Variants in ADGRG5 observed in about 807,000 individuals in gnomAD.
The protein encoded by ADGRG5 is G protein-coupled receptor 114.
Under a neutral mutation model 53.2 loss-of-function variants are expected in ADGRG5, and 37 were observed. That is an observed-to-expected ratio of 0.70 (90% CI 0.53 to 0.91). ADGRG5 has a LOEUF of 0.91. ADGRG5 is among the 40% of genes least tolerant of loss of function. The pLI, the probability that ADGRG5 is intolerant of heterozygous loss-of-function variation, is 0.00. For missense variants in ADGRG5, 614 were observed against 675.8 expected (o/e 0.91, Z 1.01); for synonymous variants, 277 against 290.4 (o/e 0.95, Z 0.47).
chr16:57,563,353 A>C, intron 4 of ADGRG5, 106 bp downstream of exon 4: 1 of 960,502 alleles, frequency 1.0e-6, no homozygotes, highest in East Asian at 2.5e-5. Flanking sequence ...TCCTCCCCAC[A>C]CCCCACAGTC....
chr16:57,535,587 G>A, the ADGRG5 span, among the ~76,000 whole-genome samples: 35 of 152,098 alleles, frequency 2.3e-4, no homozygotes, highest in Non-Finnish European at 4.0e-4. Context: ...GATACGCACA[G>A]CTGGAATGGT....
At position 57,568,724 on chromosome 16, in the gene ADGRG5, TCATCACCTCTTCCACCTC is replaced by T. The variant is rs202214224; in HGVS notation, c.1090+610_1090+627del. 7.2e-4 allele frequency among the ~76,000 whole-genome samples: 103 copies of T among 142,114 alleles called. No individual in the cohort carries two copies. In the East Asian group the frequency reaches 0.02, roughly 28 times the overall value. The allele number at this position is 142,114 out of a possible 152,430, so 93.2% of individuals were successfully genotyped here. A position where few individuals can be genotyped will look rare whatever the true frequency, so the allele number is the denominator to read the frequency against. On this transcript the variant is annotated intron_variant, in intron 9 of 11. Coordinates refer to ENST00000349457, the MANE Select transcript of ADGRG5 (RefSeq NM_001304376.3). The stretch of plus-strand genomic sequence containing the variant: ...TCCATCATCACCTCCTCAACCTCCA[TCATCACCTCTTCCACCTC>T]CATCACCTCCATCACCACCACCTCC...
intron 1 of ADGRG5, among the ~76,000 whole-genome samples, chr16:57,556,742 G>A (rs2146780137): frequency 6.6e-6 from 1 of 152,026 alleles, no homozygotes; most frequent in African/African-American, 2.4e-5. Context: ...ACACATTTTT[G>A]CCAGTTTCAA....
At chr16:57,561,292 T>A (rs2032994513) in intron 1 of ADGRG5, among the ~76,000 whole-genome samples, 1 of 152,210 alleles carries the variant, frequency 6.6e-6, no homozygotes. Context: ...TTAGCTGACA[T>A]CTCCCATCTC....
intron 11 of ADGRG5, 135 bp downstream of exon 11, chr16:57,575,227 G>A (rs56283096): frequency 0.012 from 12,428 of 1,057,086 alleles, 99 homozygotes; most frequent in Non-Finnish European, 0.015. Context: ...CACTAGCTAA[G>A]CTGGTGGGGG....
At chr16:57,567,332 C>T (rs1481870162) in intron 7 of ADGRG5, 138 bp from the exon 8 acceptor site, 1 of 872,086 alleles carries the variant, frequency 1.1e-6, no homozygotes, top group African/African-American at 1.7e-5. Flanking sequence ...TCTGCCATGG[C>T]CTTGTTCAAG....
At chr16:57,545,597 C>G (rs916892731) in intron 1 of ADGRG5, among the ~76,000 whole-genome samples, 1 of 152,188 alleles carries the variant, frequency 6.6e-6, no homozygotes, top group Non-Finnish European at 1.5e-5. Context: ...ACTCTACAAA[C>G]TATTCTGCAT....
At position 57,562,374 on chromosome 16, in the gene ADGRG5, G is replaced by A. The variant is rs771009560; in HGVS notation, c.65-10G>A. On this transcript the variant is annotated splice_polypyrimidine_tract_variant and intron_variant, in intron 2 of 11. Transcript: ENST00000349457. ...GAGACACAAACTGAGGGGGAGGTGTGTCCCCACAGAGACATGGGAAGAACT... is the reference window on the plus strand; with the variant it reads ...GAGACACAAACTGAGGGGGAGGTGTATCCCCACAGAGACATGGGAAGAACT... 13 of 1,601,556 alleles carry A rather than the reference G, an allele frequency of 8.1e-6. No individual in the cohort carries two copies. In the African/African-American group the frequency reaches 1.7e-4, roughly 21 times the overall value.
chr16:57,571,591 A>T (rs2033359282), intron 10 of ADGRG5, among the ~76,000 whole-genome samples: 1 of 152,174 alleles, frequency 6.6e-6, no homozygotes, highest in Non-Finnish European at 1.5e-5. Context: ...CCCAACCTAC[A>T]GATGAGGAAA....
chr16:57,567,600 C>T lies in ADGRG5; in HGVS notation c.821+9C>T, dbSNP rs1226310717. 6 of 1,608,928 alleles carry T rather than the reference C, an allele frequency of 3.7e-6. No individual in the cohort carries two copies. The South Asian group carries it at 6.6e-5, about 18-fold the overall frequency. ...CTGCACTTCCATTTCAGGTATTCCGCTGCCACAGTGCTGGGCCTGCCCTGC... is the reference window on the plus strand; with the variant it reads ...CTGCACTTCCATTTCAGGTATTCCGTTGCCACAGTGCTGGGCCTGCCCTGC... On this transcript the variant is annotated intron_variant, in intron 8 of 11. Transcript: ENST00000349457.
At position 57,576,160 on chromosome 16, in the gene ADGRG5, T is replaced by C. The variant is rs143554501; in HGVS notation, c.*622T>C. 6.5e-6 allele frequency: 1 copy of C among 152,860 alleles called. No individual in the cohort carries two copies. Among genetic ancestry groups the C allele is most frequent in the Non-Finnish European group, 1.5e-5 (1 of 68,496 alleles). 9.5% of individuals were successfully genotyped at this position (152,860 alleles called of 1,614,324 possible). A position where few individuals can be genotyped will look rare whatever the true frequency, so the allele number is the denominator to read the frequency against. On this transcript the variant is annotated 3_prime_UTR_variant, in exon 12 of 12. Transcript: ENST00000349457. The stretch of plus-strand genomic sequence containing the variant: ...GTGGGACCTACCCAGGCTCTGAGAC[T>C]TTACTGGCCTATGCCTGAGGCCTCT...
At chr16:57,539,587 G>A (rs2032460379), upstream of ADGRG5, among the ~76,000 whole-genome samples, 1 of 151,336 alleles carries the variant, frequency 6.6e-6, no homozygotes. Flanking sequence ...TGAGTAGGTG[G>A]ATCTACAGGG....
intron 1 of ADGRG5, among the ~76,000 whole-genome samples, chr16:57,545,928 C>T (rs1451785481): frequency 3.3e-5 from 5 of 152,056 alleles, no homozygotes; most frequent in African/African-American, 9.7e-5. Context: ...CGGGTTCAAA[C>T]GATTCTCCTG....
At chr16:57,562,219 G>C (rs2033021091) in intron 2 of ADGRG5, 62 bp downstream of exon 2, 2 of 1,517,052 alleles carry the variant, frequency 1.3e-6, no homozygotes, top group Admixed American at 1.9e-5. Context: ...TGATGCAAAA[G>C]GGGGAGGCGT....
intron 9 of ADGRG5, among the ~76,000 whole-genome samples, chr16:57,568,837 ACCT>A: frequency 6.8e-6 from 1 of 148,110 alleles, no homozygotes; most frequent in African/African-American, 2.5e-5. Flanking sequence ...CACCTCCATC[ACCT>A]CCATCACCAC....
intron 6 of ADGRG5, 78 bp downstream of exon 6, chr16:57,565,228 A>T: frequency 1.3e-6 from 1 of 781,388 alleles, no homozygotes; most frequent in Non-Finnish European, 2.2e-6. Context: ...GTTTGACTAG[A>T]CCCAAACCTG....
Position 57,545,984 on chromosome 16 carries a change from C to G in ADGRG5, c.-39+3283C>G, listed in dbSNP as rs2032609474. ...GGGATTACAGGCACGCTCCACTGCGCCTGACTAATTTTTGTATTTTTAGTA... is the reference window on the plus strand; with the variant it reads ...GGGATTACAGGCACGCTCCACTGCGGCTGACTAATTTTTGTATTTTTAGTA... On this transcript the variant is annotated intron_variant, in intron 1 of 11. Coordinates refer to ENST00000349457, the MANE Select transcript of ADGRG5 (RefSeq NM_001304376.3). 2.0e-5 allele frequency among the ~76,000 whole-genome samples: 3 copies of G among 152,104 alleles called. No individual in the cohort carries two copies. The South Asian group carries it at 6.2e-4, about 32-fold the overall frequency.
upstream of ADGRG5, among the ~76,000 whole-genome samples, chr16:57,542,049 GCCTTA>G (rs2032500172): frequency 1.3e-5 from 2 of 152,178 alleles, no homozygotes; most frequent in Admixed American, 1.3e-4. Flanking sequence ...GACTTTGCCA[GCCTTA>G]CCTTTTGTAA....
intron 10 of ADGRG5, among the ~76,000 whole-genome samples, chr16:57,573,585 C>T (rs2033425621): frequency 6.6e-6 from 1 of 152,158 alleles, no homozygotes; most frequent in Non-Finnish European, 1.5e-5. Context: ...TAAATATGCT[C>T]TAGAGGTTTC....
Sources: gnomAD v4.1 joint callset for allele counts (sites outside exome capture counted in the v4.1 genomes callset) on GRCh38, gnomAD v4.1.1 for gene constraint, MANE v1.5 for transcripts, NCBI Gene and HGNC (gene_info 2026-07-23, HGNC 2026-07-21) for gene names.